PIKFYVE: variants seen among roughly 807,000 people sequenced by gnomAD.
The protein encoded by PIKFYVE is 1-phosphatidylinositol 3-phosphate 5-kinase.
PIKFYVE carries 122 observed loss-of-function variants against 257.9 expected under a neutral mutation model. The ratio of observed to expected loss-of-function variants is 0.47; its 90% CI spans 0.41 to 0.55. The LOEUF is 0.55. Ranked by LOEUF, PIKFYVE falls within the 20% of genes least tolerant of loss-of-function variation. PIKFYVE has a pLI of 0.00. For missense variants in PIKFYVE, 2,160 were observed against 2,536.6 expected (o/e 0.85, Z 3.19); for synonymous variants, 892 against 868.9 (o/e 1.03, Z -0.47).
At chr2:208,282,175 T>C (rs982210071) in intron 5 of PIKFYVE, among the ~76,000 whole-genome samples, 7 of 152,246 alleles carry the variant, frequency 4.6e-5, no homozygotes, top group African/African-American at 1.7e-4. Context: ...CTGTAGGTGA[T>C]ATTTTGCATG....
At chr2:208,297,034 T>A (rs1693077224) in intron 7 of PIKFYVE, among the ~76,000 whole-genome samples, 1 of 152,200 alleles carries the variant, frequency 6.6e-6, no homozygotes, top group African/African-American at 2.4e-5. Flanking sequence ...TGTGTAGAAG[T>A]GTAGGGATAC....
At position 208,355,387 on chromosome 2, in the gene PIKFYVE, T is replaced by A. The variant is rs1700105722; in HGVS notation, c.*82T>A. 1 of 1,114,552 alleles carries A rather than the reference T, an allele frequency of 9.0e-7. No homozygotes were observed. The highest frequency in any genetic ancestry group is 1.3e-5 in the South Asian group (1 of 75,700). The allele number at this position is 1,114,552 out of a possible 1,614,324, so 69.0% of individuals were successfully genotyped here. On this transcript the variant is annotated 3_prime_UTR_variant, in exon 42 of 42. Coordinates refer to ENST00000264380, the MANE Select transcript of PIKFYVE (RefSeq NM_015040.4). ...CCAAAAATAAGCTACATGTTTTATT[T>A]CTTCATCGTGTTCACCACTGTATGC...
chr2:208,355,042 C>T, intron 41 of PIKFYVE, 148 bp from the exon 42 acceptor site: 1 of 710,992 alleles, frequency 1.4e-6, no homozygotes, highest in Admixed American at 2.0e-5. Flanking sequence ...TGGCATGTGG[C>T]ACAACAGATA....
chr2:208,266,066 T>G (rs1253200307), upstream of PIKFYVE: 1 of 152,676 alleles, frequency 6.5e-6, no homozygotes, highest in Non-Finnish European at 1.5e-5. Flanking sequence ...GCAGTCCCCC[T>G]GGCTTCTTCC....
intron 10 of PIKFYVE, 87 bp from the exon 11 acceptor site, chr2:208,304,084 T>C (rs1157475530): frequency 2.1e-5 from 30 of 1,449,582 alleles, no homozygotes; most frequent in African/African-American, 2.8e-5. Flanking sequence ...CATAGAAATA[T>C]TGGACTACAA....
At chr2:208,328,357 A>G in intron 21 of PIKFYVE, 77 bp downstream of exon 21, 2 of 1,577,660 alleles carry the variant, frequency 1.3e-6, no homozygotes, top group South Asian at 1.1e-5. Context: ...AAACAAAAAA[A>G]CAGTCATTAG....
chr2:208,271,009 C>G (rs1434024503), intron 1 of PIKFYVE, among the ~76,000 whole-genome samples: 1 of 147,972 alleles, frequency 6.8e-6, no homozygotes, highest in Non-Finnish European at 1.5e-5. Context: ...GCACTCCAGT[C>G]TGGGCGACAG....
At chr2:208,341,238 C>A (rs1698669754) in intron 31 of PIKFYVE, among the ~76,000 whole-genome samples, 1 of 152,184 alleles carries the variant, frequency 6.6e-6, no homozygotes, top group East Asian at 1.9e-4. Flanking sequence ...GAACTCCTGA[C>A]CTCAGGTGAT....
intron 7 of PIKFYVE, among the ~76,000 whole-genome samples, chr2:208,292,980 C>T (rs973739714): frequency 6.6e-6 from 1 of 151,020 alleles, no homozygotes; most frequent in Non-Finnish European, 1.5e-5. Context: ...TGCCCTTGTT[C>T]TTCCTGTTTT....
intron 15 of PIKFYVE, 36 bp from the exon 16 acceptor site, chr2:208,317,828 TATC>T: frequency 1.3e-6 from 2 of 1,517,168 alleles, no homozygotes; most frequent in South Asian, 1.1e-5. Context: ...CTAAGCATGT[TATC>T]ATTGAATTTT....
chr2:208,340,159 T>C, intron 31 of PIKFYVE, 28 bp downstream of exon 31: 1 of 1,612,718 alleles, frequency 6.2e-7, no homozygotes, highest in Non-Finnish European at 8.5e-7. Context: ...CAGTGGCTCT[T>C]AGCAGGGGGG....
At chr2:208,285,017 G>C (rs1281839330) in intron 5 of PIKFYVE, among the ~76,000 whole-genome samples, 1 of 151,628 alleles carries the variant, frequency 6.6e-6, no homozygotes, top group Admixed American at 6.6e-5. Flanking sequence ...TTAAAACCTG[G>C]AAAAAAATAC....
rs10208295 is a variant in PIKFYVE, at chr2:208,355,514, G to C, written c.*209G>C. On this transcript the variant is annotated 3_prime_UTR_variant, in exon 42 of 42. Coordinates refer to ENST00000264380, the MANE Select transcript of PIKFYVE (RefSeq NM_015040.4). ...TTTGATACCTGTGGAGCTGTCTGTA[G>C]GTTGGGAAGTGGCATGAAAATTTTC... 505,979 of 527,014 alleles carry C rather than the reference G, an allele frequency of 0.96. 243,750 individuals carry two copies. Among genetic ancestry groups the C allele is most frequent in the Non-Finnish European group, 0.98 (289,570 of 294,504 alleles). 32.6% of individuals were successfully genotyped at this position (527,014 alleles called of 1,614,324 possible).
At chr2:208,275,321 A>G (rs2044457) in intron 3 of PIKFYVE, among the ~76,000 whole-genome samples, 146,219 of 152,328 alleles carry the variant, frequency 0.96, 70,332 homozygotes, top group East Asian at 1. Flanking sequence ...GGTCTCACTC[A>G]TCCTTTTTCA....
chr2:208,273,895 AC>A (rs1464313650), intron 3 of PIKFYVE, 162 bp downstream of exon 3: 1 of 1,358,568 alleles, frequency 7.4e-7, no homozygotes, highest in African/African-American at 1.5e-5. Flanking sequence ...TAAAACTCTT[AC>A]CTCGGTAGTG....
At chr2:208,314,211 C>CA (rs1574578492) in intron 13 of PIKFYVE, 83 bp from the exon 14 acceptor site, 1 of 1,479,452 alleles carries the variant, frequency 6.8e-7, no homozygotes, top group Non-Finnish European at 9.3e-7. Flanking sequence ...TTTATAAAGA[C>CA]AAAGGGCAAT....
At chr2:208,335,699 A>G (rs1698062163) in intron 25 of PIKFYVE, 94 bp from the exon 26 acceptor site, 6 of 1,044,782 alleles carry the variant, frequency 5.7e-6, no homozygotes, top group Admixed American at 1.9e-5. Flanking sequence ...CATAATTTCA[A>G]TTACATTTTG....
intron 7 of PIKFYVE, among the ~76,000 whole-genome samples, chr2:208,296,151 C>T (rs1692953175): frequency 6.6e-6 from 1 of 152,028 alleles, no homozygotes; most frequent in African/African-American, 2.4e-5. Context: ...ATTACAGGCA[C>T]CTGCTAGCAT....
At chr2:208,338,312 CTG>C (rs1437958254) in intron 28 of PIKFYVE, among the ~76,000 whole-genome samples, 194 bp from the exon 29 acceptor site, 2 of 151,986 alleles carry the variant, frequency 1.3e-5, no homozygotes, top group Middle Eastern at 3.4e-3. Context: ...ATAACTTTCT[CTG>C]TTTTAATTTC....
Sources: allele counts gnomAD v4.1 joint callset (sites outside exome capture counted in the v4.1 genomes callset), GRCh38; gene constraint gnomAD v4.1.1; transcripts MANE v1.5; gene names NCBI Gene and HGNC (gene_info 2026-07-23, HGNC 2026-07-21).